The following DNER variants were observed in gnomAD, a reference collection of about 807,000 sequenced individuals.
DNER encodes the protein delta/notch like EGF repeat containing.
DNER carries 33 observed loss-of-function variants against 78.2 expected under a neutral mutation model. The ratio of observed to expected loss-of-function variants is 0.42; its 90% confidence interval spans 0.32 to 0.56. The LOEUF is 0.56. Among genes scored for constraint, DNER ranks in the 20% least tolerant of loss-of-function variants. DNER has a pLI of 0.11. For missense variants in DNER, 918 were observed against 975.3 expected, an observed-to-expected ratio of 0.94 and a Z score of 0.78; for synonymous variants, 417 against 384.8, an observed-to-expected ratio of 1.08 and a Z score of -0.98.
chr2:229,686,846 T>C (rs1699491335), intron 1 of DNER, among the ~76,000 whole-genome samples: 1 of 151,844 alleles, frequency 6.6e-6, no homozygotes, highest in Non-Finnish European at 1.5e-5. Flanking sequence ...GGAAGAGGAG[T>C]CTTTTGTGGA....
At chr2:229,675,659 T>C (rs1448181062) in intron 1 of DNER, among the ~76,000 whole-genome samples, 1 of 152,184 alleles carries the variant, frequency 6.6e-6, no homozygotes, top group Non-Finnish European at 1.5e-5. Flanking sequence ...CCCAGCCACT[T>C]GGCTCACATT....
rs58220819 is a variant in DNER, at chr2:229,635,361, G to GAAAAAAAAAAAA, written c.277-43485_277-43474dup. Among the ~76,000 whole-genome samples the GAAAAAAAAAAAA allele has an allele frequency of 5.7e-4, 49 of 85,870 alleles. 1 individual carries two copies. The highest frequency in any genetic ancestry group is 2.4e-3 in the African/African-American group (47 of 19,748). The allele number at this position is 85,870 out of a possible 152,430, so 56.3% of individuals were successfully genotyped here. On this transcript the variant is annotated intron_variant, in intron 1 of 12. Transcript: ENST00000341772. ...CTATGGATGCACTAAGGTCCCACAG[G>GAAAAAAAAAAAA]AAAAAAAAAAAAAAAAAAAAAAAAC... is the stretch of plus-strand genomic sequence containing the variant.
chr2:229,571,379 C>T (rs1468280250), intron 4 of DNER, among the ~76,000 whole-genome samples: 1 of 152,026 alleles, frequency 6.6e-6, no homozygotes, highest in African/African-American at 2.4e-5. Flanking sequence ...CCCTCCCACT[C>T]CCTCTCACCA....
intron 10 of DNER, among the ~76,000 whole-genome samples, chr2:229,405,942 T>C (rs1574828759): frequency 6.6e-6 from 1 of 152,342 alleles, no homozygotes; most frequent in South Asian, 2.1e-4. Context: ...CTGGTGAGTA[T>C]AAATGTCTGC....
intron 1 of DNER, among the ~76,000 whole-genome samples, chr2:229,605,371 G>A (rs548530704): frequency 2.0e-5 from 3 of 152,264 alleles, no homozygotes; most frequent in East Asian, 3.9e-4. Context: ...GAAGAAACCT[G>A]TATAATTGTA....
At chr2:229,423,487 C>T (rs766153449) in intron 8 of DNER, among the ~76,000 whole-genome samples, 14 of 151,776 alleles carry the variant, frequency 9.2e-5, no homozygotes, top group African/African-American at 1.5e-4. Flanking sequence ...TGGTGGTGGG[C>T]GCCTGTAATC....
intron 1 of DNER, among the ~76,000 whole-genome samples, chr2:229,707,249 G>A (rs1482456476): frequency 7.0e-6 from 1 of 141,918 alleles, no homozygotes; most frequent in Non-Finnish European, 1.5e-5. Context: ...TGGCCAGGCT[G>A]GCCTCGAACT....
chr2:229,633,466 T>TA (rs1559189692), intron 1 of DNER, among the ~76,000 whole-genome samples: 2 of 152,196 alleles, frequency 1.3e-5, no homozygotes, highest in African/African-American at 2.4e-5. Context: ...ACCTTATTTT[T>TA]AAAAATAAAA....
At chr2:229,488,183 G>T (rs1695317909) in intron 6 of DNER, among the ~76,000 whole-genome samples, 1 of 152,214 alleles carries the variant, frequency 6.6e-6, no homozygotes, top group Admixed American at 6.5e-5. Flanking sequence ...TGCCCTTGCA[G>T]AAGAAATCAG....
At chr2:229,499,784 C>A (rs996578626) in intron 6 of DNER, among the ~76,000 whole-genome samples, 3 of 152,016 alleles carry the variant, frequency 2.0e-5, no homozygotes, top group Non-Finnish European at 4.4e-5. Context: ...GAAAATACAA[C>A]CTGCAGAATA....
intron 4 of DNER, among the ~76,000 whole-genome samples, chr2:229,550,886 A>G (rs1363044629): frequency 6.6e-6 from 1 of 152,210 alleles, no homozygotes; most frequent in Non-Finnish European, 1.5e-5. Context: ...ACCTAGCATC[A>G]CCTCATTAAC....
chr2:229,632,269 G>A (rs982110974), intron 1 of DNER, among the ~76,000 whole-genome samples: 2 of 152,108 alleles, frequency 1.3e-5, no homozygotes, highest in African/African-American at 2.4e-5. Context: ...CAAATTCAAA[G>A]TTACTCATGT....
intron 1 of DNER, among the ~76,000 whole-genome samples, chr2:229,625,896 TTTTTG>T (rs1698331680): frequency 4.3e-5 from 1 of 22,994 alleles, no homozygotes; most frequent in South Asian, 4.8e-3. Flanking sequence ...GTTTTTGTTG[TTTTTG>T]TTGTTGTTGT....
chr2:229,425,241 G>A (rs2106352250), intron 8 of DNER, among the ~76,000 whole-genome samples: 1 of 152,296 alleles, frequency 6.6e-6, no homozygotes, highest in Middle Eastern at 3.4e-3. Context: ...ATAGAGCGGA[G>A]TAAGAAGGGA....
At chr2:229,473,077 C>G (rs888024908) in intron 7 of DNER, among the ~76,000 whole-genome samples, 4 of 151,966 alleles carry the variant, frequency 2.6e-5, no homozygotes, top group Admixed American at 2.0e-4. Flanking sequence ...TTGAAGGAAA[C>G]AAAATGGAGA....
In DNER at chr2:229,447,475, C is replaced by G; in HGVS notation, c.1327G>C (p.Gly443Arg). Residue 443 changes from glycine (G) to arginine (R), a missense_variant, in exon 8 of 13, where the codon GGC becomes CGC. Transcript: ENST00000341772. The stretch of plus-strand genomic sequence containing the variant: ...TGTACCCCGTCCACATAGCAGGTGC[C>G]GTTGTTCTGGCACGGAGACGAGGCG... ...PCASSPCQNNGTCYVDGVHFT... is the reference protein window; with the variant it reads ...PCASSPCQNNRTCYVDGVHFT... 1 of 1,614,138 alleles carries G rather than the reference C, an allele frequency of 6.2e-7. No homozygotes were observed. Among genetic ancestry groups the G allele is most frequent in the Non-Finnish European group, 8.5e-7 (1 of 1,180,030 alleles).
intron 11 of DNER, among the ~76,000 whole-genome samples, chr2:229,372,830 G>A (rs1692516181): frequency 6.6e-6 from 1 of 152,086 alleles, no homozygotes; most frequent in Non-Finnish European, 1.5e-5. Context: ...TGAGTGCTGT[G>A]TTAGGGGGGA....
chr2:229,500,944 C>T (rs60409302), intron 6 of DNER, among the ~76,000 whole-genome samples: 18,293 of 151,928 alleles, frequency 0.12, 1,236 homozygotes, highest in South Asian at 0.2. Context: ...TGAGAACATA[C>T]GATGTTTGGT....
intron 1 of DNER, among the ~76,000 whole-genome samples, chr2:229,640,346 T>A (rs906855512): frequency 6.6e-6 from 1 of 152,202 alleles, no homozygotes; most frequent in Non-Finnish European, 1.5e-5. Context: ...AAAGGATTAG[T>A]ATAGAAATGT....
Sources: gnomAD v4.1 joint callset for allele counts (sites outside exome capture counted in the v4.1 genomes callset) on GRCh38, gnomAD v4.1.1 for gene constraint, MANE v1.5 for transcripts, NCBI Gene and HGNC (gene_info 2026-07-23, HGNC 2026-07-21) for gene names.